SPHKAP: variants seen among roughly 807,000 people sequenced by gnomAD.
SPHKAP encodes the protein SPHK1 interactor, AKAP domain containing.
Under a neutral mutation model 137.5 loss-of-function variants are expected in SPHKAP, and 67 were observed. The observed-to-expected ratio is 0.49, with a 90% confidence interval of 0.40 to 0.60. The LOEUF is 0.60. Among genes scored for constraint, SPHKAP ranks in the 20% least tolerant of loss-of-function variants. SPHKAP has a pLI of 0.00. For synonymous variants in SPHKAP, 813 were observed against 785.3 expected (o/e 1.04, Z -0.59); for missense variants, 2,097 against 2,069.3 (o/e 1.01, Z -0.26).
chr2:228,114,266 C>T (rs995922070), intron 2 of SPHKAP, among the ~76,000 whole-genome samples: 1 of 152,114 alleles, frequency 6.6e-6, no homozygotes, highest in African/African-American at 2.4e-5. Context: ...GATCCTTTTG[C>T]TCTACATTAC....
At chr2:228,085,613 C>A (rs923692345) in intron 3 of SPHKAP, among the ~76,000 whole-genome samples, 1 of 152,120 alleles carries the variant, frequency 6.6e-6, no homozygotes, top group African/African-American at 2.4e-5. Context: ...ATATTAAGGG[C>A]AACATTTTAC....
intron 3 of SPHKAP, among the ~76,000 whole-genome samples, chr2:228,062,559 A>T (rs973455106): frequency 1.3e-5 from 2 of 152,080 alleles, no homozygotes; most frequent in African/African-American, 4.8e-5. Flanking sequence ...CATTTTTTTT[A>T]AATAATAGAG....
At chr2:227,990,027 G>C (rs1693358731) in intron 11 of SPHKAP, among the ~76,000 whole-genome samples, 1 of 152,160 alleles carries the variant, frequency 6.6e-6, no homozygotes, top group African/African-American at 2.4e-5. Context: ...GAATGTAGGT[G>C]GCCTCTGGGC....
At chr2:228,038,108 G>T (rs1361009298) in intron 3 of SPHKAP, among the ~76,000 whole-genome samples, 1 of 152,144 alleles carries the variant, frequency 6.6e-6, no homozygotes, top group Non-Finnish European at 1.5e-5. Flanking sequence ...GTCAATGCTG[G>T]GTGCTGAGAA....
chr2:228,160,160 A>G (rs965720143), intron 1 of SPHKAP, among the ~76,000 whole-genome samples: 3 of 152,204 alleles, frequency 2.0e-5, no homozygotes, highest in Non-Finnish European at 4.4e-5. Context: ...GGAATCTGGC[A>G]TGGAAGCAGG....
At chr2:228,013,871 C>A (rs1694472391) in intron 7 of SPHKAP, among the ~76,000 whole-genome samples, 2 of 152,110 alleles carry the variant, frequency 1.3e-5, no homozygotes, top group Admixed American at 6.6e-5. Context: ...GTTTTGGAAG[C>A]AGATGTAGGT....
At chr2:228,146,366 G>A (rs1186903607) in intron 1 of SPHKAP, among the ~76,000 whole-genome samples, 5 of 152,164 alleles carry the variant, frequency 3.3e-5, no homozygotes, top group Admixed American at 3.3e-4. Context: ...ATTAAACAGA[G>A]TGAGAGTATT....
chr2:228,018,019 T>G lies in SPHKAP; in HGVS notation c.2835A>C (p.Ala945=). 6.2e-7 allele frequency: 1 copy of G among 1,614,184 alleles called. No homozygotes were observed. Among genetic ancestry groups the G allele is most frequent in the Non-Finnish European group, 8.5e-7 (1 of 1,180,024 alleles). Reference sequence around the variant, plus strand: ...CACTGGAGTTGTCAAGGCAAATCGCTGCAATTTCAGTTGCCATGGAGACGA... The same window carrying G: ...CACTGGAGTTGTCAAGGCAAATCGCGGCAATTTCAGTTGCCATGGAGACGA... ...DTVVSMATEI[A]AICLDNSSGK... is the part of the protein sequence containing the mutation. The change falls in exon 7 of 12, where the codon GCA becomes GCC. Residue 945 remains alanine, a synonymous_variant. Coordinates refer to ENST00000392056, the MANE Select transcript of SPHKAP (RefSeq NM_001142644.2).
chr2:228,087,426 G>A (rs1255174859), intron 3 of SPHKAP, among the ~76,000 whole-genome samples: 5 of 152,156 alleles, frequency 3.3e-5, no homozygotes, highest in Non-Finnish European at 5.9e-5. Context: ...TAACCCATAT[G>A]CAAGAAAAAA....
intron 3 of SPHKAP, among the ~76,000 whole-genome samples, chr2:228,064,228 G>A (rs529163593): frequency 2.0e-5 from 3 of 152,264 alleles, no homozygotes; most frequent in Non-Finnish European, 2.9e-5. Context: ...TTGTGTTTGG[G>A]ACCAGCTGTT....
intron 1 of SPHKAP, among the ~76,000 whole-genome samples, chr2:228,175,157 T>C (rs192096185): frequency 1.3e-5 from 2 of 151,608 alleles, no homozygotes; most frequent in Middle Eastern, 3.4e-3. Flanking sequence ...TTTTAAGAAA[T>C]TATGGCTGAA....
intron 1 of SPHKAP, among the ~76,000 whole-genome samples, chr2:228,137,254 A>G (rs989547018): frequency 4.6e-5 from 7 of 152,228 alleles, no homozygotes; most frequent in Non-Finnish European, 1.0e-4. Context: ...CTTAGGACAC[A>G]GGACAGCGCC....
At chr2:228,147,579 C>T (rs1028164297) in intron 1 of SPHKAP, among the ~76,000 whole-genome samples, 6 of 152,172 alleles carry the variant, frequency 3.9e-5, no homozygotes, top group African/African-American at 1.4e-4. Context: ...AAGACTGGAA[C>T]TTGGGTCCCG....
chr2:228,036,799 T>G (rs4973066), intron 3 of SPHKAP, among the ~76,000 whole-genome samples: 1 of 151,290 alleles, frequency 6.6e-6, no homozygotes. Flanking sequence ...AACCAGACAC[T>G]GCATGTTCTC....
chr2:228,122,433 A>T (rs905643219), intron 2 of SPHKAP, among the ~76,000 whole-genome samples: 1 of 152,216 alleles, frequency 6.6e-6, no homozygotes, highest in Admixed American at 6.5e-5. Context: ...TACAGAAAAA[A>T]TTGCTGGAGG....
At chr2:228,139,759 T>C (rs1247077667) in intron 1 of SPHKAP, among the ~76,000 whole-genome samples, 1 of 152,142 alleles carries the variant, frequency 6.6e-6, no homozygotes, top group Non-Finnish European at 1.5e-5. Flanking sequence ...ACAAATAATG[T>C]GTATAAAAAC....
At chr2:228,046,191 T>G (rs191362637) in intron 3 of SPHKAP, among the ~76,000 whole-genome samples, 1 of 152,042 alleles carries the variant, frequency 6.6e-6, no homozygotes, top group East Asian at 1.9e-4. Flanking sequence ...ACCCTGAATA[T>G]ATGCAATTTT....
At chr2:228,064,560 G>C (rs1287896372) in intron 3 of SPHKAP, among the ~76,000 whole-genome samples, 1 of 152,154 alleles carries the variant, frequency 6.6e-6, no homozygotes, top group Non-Finnish European at 1.5e-5. Flanking sequence ...TGGCAGTCTA[G>C]CTTTATTCCT....
chr2:228,146,709 C>G (rs763270701), intron 1 of SPHKAP, among the ~76,000 whole-genome samples: 1 of 152,210 alleles, frequency 6.6e-6, no homozygotes, highest in Non-Finnish European at 1.5e-5. Flanking sequence ...CAGTTCCACG[C>G]GTGTTCCCGC....
Sources: allele counts gnomAD v4.1 joint callset (sites outside exome capture counted in the v4.1 genomes callset), GRCh38; gene constraint gnomAD v4.1.1; transcripts MANE v1.5; gene names NCBI Gene and HGNC (gene_info 2026-07-23, HGNC 2026-07-21).